The following GPAM variants were observed in gnomAD, a reference collection of about 807,000 sequenced individuals.
GPAM encodes the protein glycerol-3-phosphate acyltransferase 1, mitochondrial.
In GPAM, 56 loss-of-function variants were observed where a neutral mutation model predicts 105.0. The ratio of observed to expected loss-of-function variants is 0.53; its 90% CI spans 0.43 to 0.67. GPAM has a LOEUF of 0.67. Ranked by LOEUF, GPAM falls within the 30% of genes least tolerant of loss-of-function variation. The pLI, the probability that GPAM is intolerant of heterozygous loss-of-function variation, is 0.00. For synonymous variants in GPAM, 368 were observed against 354.4 expected, an observed-to-expected ratio of 1.04 and a Z score of -0.43; for missense variants, 855 against 989.8, an observed-to-expected ratio of 0.86 and a Z score of 1.83.
At chr10:112,212,785 C>T (rs1408684192) in intron 1 of GPAM, among the ~76,000 whole-genome samples, 1 of 152,210 alleles carries the variant, frequency 6.6e-6, no homozygotes. Flanking sequence ...AATCCCTCTA[C>T]CTCATAAGGA....
chr10:112,150,876 C>A lies in GPAM; in HGVS notation c.*2674G>T. The stretch of plus-strand genomic sequence containing the variant: ...CTGGCAATTCCACAATTTGGGCTTA[C>A]ATTCATTGTAATCCCAGAAATATTT... On this transcript the variant is annotated 3_prime_UTR_variant, in exon 22 of 22. Transcript: ENST00000348367. 1.0e-6 allele frequency: 1 copy of A among 985,246 alleles called. No homozygotes were observed. Among genetic ancestry groups the A allele is most frequent in the Non-Finnish European group, 1.2e-6 (1 of 829,752 alleles). 61.0% of individuals were successfully genotyped at this position (985,246 alleles called of 1,614,324 possible).
chr10:112,206,795 T>G lies in GPAM; in HGVS notation n.210+8373A>C, dbSNP rs1847855507. Among the ~76,000 whole-genome samples the G allele has an allele frequency of 2.7e-5, 4 of 147,584 alleles. No individual in the cohort carries two copies. In the Admixed American group the frequency reaches 2.7e-4, roughly 10 times the overall value. ...GTAACTAACCTGCACAATGTACACA[T>G]GTACCCTAAAACTTAAAGTATAATA... On this transcript the variant is annotated intron_variant and non_coding_transcript_variant, in intron 1 of 3. Coordinates refer to the GPAM transcript ENST00000480130.
chr10:112,162,421 T>C (rs1300592640), intron 14 of GPAM, among the ~76,000 whole-genome samples: 1 of 152,018 alleles, frequency 6.6e-6, no homozygotes, highest in African/African-American at 2.4e-5. Flanking sequence ...GACCCAGAGG[T>C]AAGAAGGAAG....
At chr10:112,161,239 A>T (rs989113990) in intron 15 of GPAM, among the ~76,000 whole-genome samples, 3 of 152,178 alleles carry the variant, frequency 2.0e-5, no homozygotes, top group Non-Finnish European at 4.4e-5. Context: ...ATATATTGGC[A>T]CTGTTTGGTG....
intron 5 of GPAM, 58 bp from the exon 6 acceptor site, chr10:112,175,771 A>G (rs1444065251): frequency 9.6e-7 from 1 of 1,044,446 alleles, no homozygotes; most frequent in Non-Finnish European, 1.5e-6. Flanking sequence ...AGTTGCTTAA[A>G]TCATAAACTA....
chr10:112,198,460 C>G (rs1847751366), intron 1 of GPAM, among the ~76,000 whole-genome samples: 1 of 152,152 alleles, frequency 6.6e-6, no homozygotes, highest in Non-Finnish European at 1.5e-5. Flanking sequence ...GTTCGATTAT[C>G]TGATGAAACT....
At chr10:112,187,160 A>G (rs945781160), upstream of GPAM, among the ~76,000 whole-genome samples, 6 of 152,228 alleles carry the variant, frequency 3.9e-5, no homozygotes, top group African/African-American at 1.4e-4. Flanking sequence ...AATTCAAAAG[A>G]AGGCAGTAAA....
At chr10:112,221,352 G>A in the GPAM span, among the ~76,000 whole-genome samples, 3 of 152,148 alleles carry the variant, frequency 2.0e-5, no homozygotes, top group African/African-American at 4.8e-5. Context: ...GATGGCTGTG[G>A]GTTTGTCTCT....
upstream of GPAM, among the ~76,000 whole-genome samples, chr10:112,217,218 G>A (rs1847980085): frequency 6.6e-6 from 1 of 152,104 alleles, no homozygotes; most frequent in Non-Finnish European, 1.5e-5. Context: ...GTCTTCTATA[G>A]ATCAGAAACG....
upstream of GPAM, among the ~76,000 whole-genome samples, chr10:112,216,018 T>C (rs965372882): frequency 1.3e-5 from 2 of 152,162 alleles, no homozygotes; most frequent in East Asian, 1.9e-4. Flanking sequence ...TAAGAAGGTG[T>C]AGGGGCGAAT....
intron 13 of GPAM, 125 bp downstream of exon 13, chr10:112,164,400 G>C: frequency 2.9e-6 from 2 of 689,390 alleles, no homozygotes; most frequent in Non-Finnish European, 5.3e-6. Flanking sequence ...ATTGGACTAA[G>C]AGAAAAGTTA....
At chr10:112,220,377 A>G (rs1848007194), upstream of GPAM, among the ~76,000 whole-genome samples, 1 of 152,182 alleles carries the variant, frequency 6.6e-6, no homozygotes, top group South Asian at 2.1e-4. Flanking sequence ...AATTGGCTCT[A>G]TCTAGGCAGT....
chr10:112,159,630 C>G (rs1469404944), intron 17 of GPAM, among the ~76,000 whole-genome samples: 1 of 152,148 alleles, frequency 6.6e-6, no homozygotes, highest in Non-Finnish European at 1.5e-5. Context: ...GCCTCACACA[C>G]AATACGTGCT....
Position 112,173,707 on chromosome 10 carries a change from T to C in GPAM, c.552A>G (p.Ala184=). ...LQEMVATVSP[A]MIRLTGWVLL... Reference sequence around the variant, plus strand: ...GCCTTGCCTTTTAATACCTGATCATTGCCGGTGAGACAGTGGCAACCATTT... The same window carrying C: ...GCCTTGCCTTTTAATACCTGATCATCGCCGGTGAGACAGTGGCAACCATTT... Residue 184 remains alanine, a synonymous_variant, in exon 7 of 22, where the codon GCA becomes GCG. Transcript: ENST00000348367. The C allele has an allele frequency of 1.2e-6, 2 of 1,613,916 alleles. No individual in the cohort carries two copies. The highest frequency in any genetic ancestry group is 1.7e-6 in the Non-Finnish European group (2 of 1,179,760).
At chr10:112,155,688 G>C in intron 20 of GPAM, 176 bp downstream of exon 20, 1 of 539,946 alleles carries the variant, frequency 1.9e-6, no homozygotes, top group Admixed American at 3.3e-5. Flanking sequence ...CCAGATGTAA[G>C]AGTGTATAAC....
chr10:112,152,571 A>G lies in GPAM; in HGVS notation c.*979T>C. 1 of 985,452 alleles carries G rather than the reference A, an allele frequency of 1.0e-6. No individual in the cohort carries two copies. Among genetic ancestry groups the G allele is most frequent in the South Asian group, 4.7e-5 (1 of 21,284 alleles). The allele number at this position is 985,452 out of a possible 1,614,324, so 61.0% of individuals were successfully genotyped here. The stretch of plus-strand genomic sequence containing the variant: ...GCAGTACACAATCTGTGTGCAGTAC[A>G]GAAAGCCCTCATCAGCTGTGGCCAG... On this transcript the variant is annotated 3_prime_UTR_variant, in exon 22 of 22. Transcript: ENST00000348367.
intron 21 of GPAM, 66 bp from the exon 22 acceptor site, chr10:112,153,732 A>G (rs1425754986): frequency 1.3e-6 from 2 of 1,565,678 alleles, no homozygotes; most frequent in Non-Finnish European, 1.7e-6. Context: ...TCCATTACCA[A>G]CCTGACCTGT....
chr10:112,226,005 C>G, the GPAM span, among the ~76,000 whole-genome samples: 48 of 152,310 alleles, frequency 3.2e-4, no homozygotes, highest in South Asian at 7.3e-3. Flanking sequence ...AGGATCACAC[C>G]ATTTTTCCCA....
chr10:112,151,918 T>G lies in GPAM; in HGVS notation c.*1632A>C. The G allele has an allele frequency of 4.1e-6, 4 of 976,674 alleles. No homozygotes were observed. The highest frequency in any genetic ancestry group is 4.9e-6 in the Non-Finnish European group (4 of 822,024). 60.5% of individuals were successfully genotyped at this position (976,674 alleles called of 1,614,324 possible). A position where few individuals can be genotyped will look rare whatever the true frequency, so the allele number is the denominator to read the frequency against. On this transcript the variant is annotated 3_prime_UTR_variant, in exon 22 of 22. Transcript: ENST00000348367. Reference sequence around the variant, plus strand: ...GCTACTACAACTGACAATGACTTCATGGTATACATCAATTCCTATAAAGAA... The same window carrying G: ...GCTACTACAACTGACAATGACTTCAGGGTATACATCAATTCCTATAAAGAA...
Sources: allele counts gnomAD v4.1 joint callset (sites outside exome capture counted in the v4.1 genomes callset), GRCh38; gene constraint gnomAD v4.1.1; transcripts MANE v1.5; gene names NCBI Gene and HGNC (gene_info 2026-07-23, HGNC 2026-07-21).